The following ZFHX3 variants were observed in gnomAD, a reference collection of about 807,000 sequenced individuals.
ZFHX3 encodes zinc finger homeobox 3.
ZFHX3 carries 42 observed loss-of-function variants against 279.1 expected under a neutral mutation model. That is an observed-to-expected ratio of 0.15 (90% CI 0.12 to 0.19). The LOEUF (loss-of-function observed/expected upper bound fraction) is 0.19. ZFHX3 is among the 10% of genes least tolerant of loss of function. The probability of loss-of-function intolerance (pLI) is 1.00; values close to 1 mark genes in which losing one functional copy is unlikely to be tolerated. For synonymous variants in ZFHX3, 2,293 were observed against 1,957.8 expected (o/e 1.17, Z -4.52); for missense variants, 4,981 against 4,754.0 (o/e 1.05, Z -1.40).
chr16:73,503,035 C>T (rs1203034385), intron 2 of ZFHX3, among the ~76,000 whole-genome samples: 1 of 152,228 alleles, frequency 6.6e-6, no homozygotes, highest in Non-Finnish European at 1.5e-5. Context: ...TTATGTTGTG[C>T]TCACTCGGAA....
chr16:73,453,250 C>T (rs1261391084), intron 3 of ZFHX3, among the ~76,000 whole-genome samples: 2 of 152,220 alleles, frequency 1.3e-5, no homozygotes, highest in Non-Finnish European at 2.9e-5. Flanking sequence ...AAAGTTGTAA[C>T]TAGTTGATTC....
At chr16:73,056,276 A>C (rs929870080) in intron 1 of ZFHX3, among the ~76,000 whole-genome samples, 19 of 152,250 alleles carry the variant, frequency 1.2e-4, no homozygotes, top group Admixed American at 7.8e-4. Context: ...TCTGTATTCT[A>C]TCTCTCTTCT....
chr16:73,708,078 G>GT (rs1401730873), intron 1 of ZFHX3, among the ~76,000 whole-genome samples: 1 of 63,820 alleles, frequency 1.6e-5, no homozygotes, highest in African/African-American at 3.6e-5. Flanking sequence ...TTTGGGTGTG[G>GT]TGGGGGGGGG....
intron 4 of ZFHX3, among the ~76,000 whole-genome samples, chr16:72,843,409 G>C (rs1001100387): frequency 8.6e-5 from 13 of 151,858 alleles, no homozygotes; most frequent in African/African-American, 3.1e-4. Flanking sequence ...TACTTGGGAG[G>C]CTGAGGCAGG....
At chr16:73,816,892 G>A (rs1456221901) in intron 1 of ZFHX3, among the ~76,000 whole-genome samples, 1 of 152,214 alleles carries the variant, frequency 6.6e-6, no homozygotes, top group Non-Finnish European at 1.5e-5. Context: ...TTTCTGAGGA[G>A]AGAGTTGACA....
chr16:72,806,394 A>C (rs1040631768), intron 7 of ZFHX3, among the ~76,000 whole-genome samples: 1 of 152,232 alleles, frequency 6.6e-6, no homozygotes, highest in African/African-American at 2.4e-5. Flanking sequence ...GAGAAGGAGA[A>C]TGAATTGGAG....
Position 73,864,248 on chromosome 16 carries a change from G to C in ZFHX3, c.-1608+27403C>G, listed in dbSNP as rs1303818782. Among the ~76,000 whole-genome samples, 3 of 152,176 alleles carry C rather than the reference G, an allele frequency of 2.0e-5. 1 individual carries two copies. ...AGTCTGATTTCTATAGCCTCCTCCA[G>C]AATGGCTTCCCTATTAACGTAGTCA... On this transcript the variant is annotated intron_variant, in intron 1 of 17. Coordinates refer to the ZFHX3 transcript ENST00000641206.
intron 1 of ZFHX3, among the ~76,000 whole-genome samples, chr16:73,018,010 G>A (rs1964166145): frequency 6.7e-6 from 1 of 148,444 alleles, no homozygotes; most frequent in Non-Finnish European, 1.5e-5. Context: ...TTTTGAGACA[G>A]GGTCTTGCTC....
upstream of ZFHX3, among the ~76,000 whole-genome samples, chr16:73,062,496 T>G (rs1965696585): frequency 6.6e-6 from 1 of 152,160 alleles, no homozygotes; most frequent in African/African-American, 2.4e-5. Context: ...GTTGATTTAA[T>G]GATGAAGATG....
At chr16:73,556,891 C>T (rs560021000) in intron 2 of ZFHX3, among the ~76,000 whole-genome samples, 12 of 151,794 alleles carry the variant, frequency 7.9e-5, no homozygotes, top group Admixed American at 2.0e-4. Context: ...GTCAAGGGAT[C>T]GAGACCATCC....
intron 5 of ZFHX3, among the ~76,000 whole-genome samples, chr16:73,187,339 G>A (rs565396747): frequency 1.4e-5 from 2 of 139,354 alleles, no homozygotes. Flanking sequence ...ATAGTAAAGA[G>A]GGATTTTTTT....
chr16:73,500,418 C>G (rs1325461236), intron 2 of ZFHX3, among the ~76,000 whole-genome samples: 1 of 152,024 alleles, frequency 6.6e-6, no homozygotes, highest in African/African-American at 2.4e-5. Context: ...GCCTAGACCT[C>G]CTGGGCTCAA....
At chr16:73,862,923 A>G (rs1268404963) in intron 1 of ZFHX3, among the ~76,000 whole-genome samples, 1 of 152,080 alleles carries the variant, frequency 6.6e-6, no homozygotes, top group Admixed American at 6.5e-5. Flanking sequence ...ATTAATTAGT[A>G]GAAGCATGGC....
intron 7 of ZFHX3, among the ~76,000 whole-genome samples, chr16:73,123,938 C>A (rs555599475): frequency 3.3e-5 from 5 of 152,278 alleles, no homozygotes; most frequent in African/African-American, 9.6e-5. Flanking sequence ...TCTTGGACTT[C>A]TCAGGCTCTA....
At chr16:73,593,173 C>T (rs868477118) in intron 2 of ZFHX3, among the ~76,000 whole-genome samples, 1 of 152,094 alleles carries the variant, frequency 6.6e-6, no homozygotes, top group Admixed American at 6.5e-5. Context: ...AATGGCTTCA[C>T]CAATGAGTTT....
intron 6 of ZFHX3, among the ~76,000 whole-genome samples, chr16:73,135,762 T>C (rs1398129206): frequency 1.3e-5 from 2 of 152,196 alleles, no homozygotes; most frequent in Non-Finnish European, 2.9e-5. Flanking sequence ...AAACTTCAAC[T>C]AAAGTTGAGT....
chr16:72,794,142 G>C lies in ZFHX3; in HGVS notation c.8540C>G (p.Thr2847Ser). Residue 2847 changes from threonine to serine, a missense_variant, in exon 9 of 10, where the codon ACT (threonine) becomes AGT (serine). Transcript: ENST00000268489. This position sits in a 1 kb window ranked among gnomAD's most constrained non-coding sequence, Gnocchi z 4.2. ...GTTATCTGCGTTGCCCTCGTCTCCA[G>C]TTGTGGTATCTGTGATTGCTGTGTT... ...SVNTAITDTTTGDEGNADNDS... is the reference protein window; with the variant it reads ...SVNTAITDTTSGDEGNADNDS... 6.2e-7 allele frequency: 1 copy of C among 1,614,210 alleles called. No homozygotes were observed. Among genetic ancestry groups the C allele is most frequent in the Non-Finnish European group, 8.5e-7 (1 of 1,180,046 alleles).
At chr16:73,493,617 C>G (rs1044691251) in intron 2 of ZFHX3, among the ~76,000 whole-genome samples, 1 of 152,184 alleles carries the variant, frequency 6.6e-6, no homozygotes, top group Non-Finnish European at 1.5e-5. Flanking sequence ...TCACATGGTG[C>G]TTGGGTCCAG....
intron 1 of ZFHX3, among the ~76,000 whole-genome samples, chr16:73,851,635 T>C (rs1219430469): frequency 6.6e-6 from 1 of 152,244 alleles, no homozygotes; most frequent in Non-Finnish European, 1.5e-5. Flanking sequence ...TTTAAATTCC[T>C]TCAAAAAGCT....
Sources: allele counts gnomAD v4.1 joint callset (sites outside exome capture counted in the v4.1 genomes callset), GRCh38; gene constraint gnomAD v4.1.1; non-coding constraint Gnocchi (gnomAD v3.1); transcripts MANE v1.5; gene names NCBI Gene and HGNC (gene_info 2026-07-23, HGNC 2026-07-21).